The following ATP8A2 variants were observed in gnomAD, a reference collection of about 807,000 sequenced individuals.
ATP8A2 encodes phospholipid-transporting ATPase IB.
In ATP8A2, 100 loss-of-function variants were observed where a neutral mutation model predicts 165.6. The observed-to-expected ratio is 0.60, with a 90% CI of 0.51 to 0.71. The LOEUF is 0.71. Ranked by LOEUF, ATP8A2 falls within the 30% of genes least tolerant of loss-of-function variation. The pLI is 0.00. For missense variants in ATP8A2, 1,227 were observed against 1,479.5 expected, an observed-to-expected ratio of 0.83 and a Z score of 2.80; for synonymous variants, 543 against 548.8, an observed-to-expected ratio of 0.99 and a Z score of 0.15.
At chr13:25,667,412 A>G (rs1329186938) in intron 24 of ATP8A2, among the ~76,000 whole-genome samples, 1 of 152,162 alleles carries the variant, frequency 6.6e-6, no homozygotes, top group Non-Finnish European at 1.5e-5. Context: ...TCTCATTTTT[A>G]GGAGAATGGA....
intron 1 of ATP8A2, among the ~76,000 whole-genome samples, chr13:25,464,446 T>TAAA (rs34063090): frequency 0.049 from 6,209 of 127,318 alleles, 206 homozygotes; most frequent in African/African-American, 0.08. Context: ...CATCTCTATC[T>TAAA]AAAAAAAAAA....
chr13:25,880,388 A>G (rs1952946033), intron 33 of ATP8A2, among the ~76,000 whole-genome samples: 1 of 152,016 alleles, frequency 6.6e-6, no homozygotes, highest in African/African-American at 2.4e-5. Flanking sequence ...AAAAAAAAAA[A>G]AAAAAAAGGA....
chr13:25,688,566 TG>T (rs144772440), intron 24 of ATP8A2, among the ~76,000 whole-genome samples: 1,690 of 152,368 alleles, frequency 0.011, 10 homozygotes, highest in Non-Finnish European at 0.019. Context: ...GAGACTCTCA[TG>T]TAGAAAGTAT....
At chr13:25,831,148 A>T (rs1951455019) in intron 28 of ATP8A2, among the ~76,000 whole-genome samples, 3 of 151,670 alleles carry the variant, frequency 2.0e-5, no homozygotes, top group Non-Finnish European at 4.4e-5. Flanking sequence ...TTTTTCTTCT[A>T]AATGTACTCT....
chr13:25,714,068 A>C (rs7993491), intron 25 of ATP8A2, among the ~76,000 whole-genome samples: 1,611 of 152,200 alleles, frequency 0.011, 23 homozygotes, highest in African/African-American at 0.036. Flanking sequence ...ATCAGCTTTG[A>C]TTAACCCAGA....
intron 33 of ATP8A2, among the ~76,000 whole-genome samples, chr13:25,884,280 A>G (rs1953072712): frequency 1.3e-5 from 2 of 152,074 alleles, no homozygotes; most frequent in Admixed American, 1.3e-4. Context: ...CAACAAGTTT[A>G]TGTCAGTCCT....
At chr13:25,886,125 G>GT (rs1486827639) in intron 33 of ATP8A2, among the ~76,000 whole-genome samples, 7 of 152,186 alleles carry the variant, frequency 4.6e-5, no homozygotes, top group Admixed American at 4.6e-4. Context: ...ACAGTAGTTA[G>GT]TTCTGAAATT....
chr13:25,752,043 G>C (rs1468142763), intron 25 of ATP8A2, among the ~76,000 whole-genome samples: 1 of 151,688 alleles, frequency 6.6e-6, no homozygotes, highest in African/African-American at 2.4e-5. Context: ...CACTTTGGGG[G>C]GCCAAGGCAA....
At chr13:25,375,209 A>T (rs987410367) in intron 1 of ATP8A2, among the ~76,000 whole-genome samples, 1 of 152,224 alleles carries the variant, frequency 6.6e-6, no homozygotes, top group Non-Finnish European at 1.5e-5. Flanking sequence ...TGACAAATAT[A>T]TATCAGTGCC....
intron 30 of ATP8A2, among the ~76,000 whole-genome samples, chr13:25,848,639 G>GA (rs1419106114): frequency 2.0e-5 from 3 of 152,224 alleles, no homozygotes; most frequent in African/African-American, 7.2e-5. Context: ...CAATAGAGGA[G>GA]AAAATCCAGC....
intron 7 of ATP8A2, among the ~76,000 whole-genome samples, chr13:25,539,398 C>T (rs1164009373): frequency 4.7e-5 from 7 of 149,566 alleles, no homozygotes; most frequent in Non-Finnish European, 8.9e-5. Context: ...CAAGCGTGAG[C>T]CACAGTGCCC....
At chr13:25,469,252 C>A in intron 2 of ATP8A2, 131 bp downstream of exon 2, 1 of 1,130,018 alleles carries the variant, frequency 8.8e-7, no homozygotes, top group Non-Finnish European at 1.2e-6. Context: ...TTCCCCTGCC[C>A]CCTCCCCACC....
intron 6 of ATP8A2, among the ~76,000 whole-genome samples, chr13:25,533,579 AT>A (rs1448648114): frequency 6.6e-6 from 1 of 152,168 alleles, no homozygotes; most frequent in Non-Finnish European, 1.5e-5. Context: ...TTTGAGAAAT[AT>A]TTTCCCTGGT....
At chr13:25,761,417 T>C (rs947253590) in intron 25 of ATP8A2, among the ~76,000 whole-genome samples, 2 of 152,142 alleles carry the variant, frequency 1.3e-5, no homozygotes, top group Admixed American at 6.5e-5. Context: ...TGCAAAGATA[T>C]TACAGAGGCA....
At position 26,003,151 on chromosome 13, in the gene ATP8A2, A is replaced by G. The variant is rs141341148; in HGVS notation, c.3378-9380A>G. On this transcript the variant is annotated intron_variant, in intron 35 of 36. Transcript: ENST00000381655. Reference sequence around the variant, plus strand: ...TAATTTGTATTCCCATCAACAGTGTACAGGGGTTCCTTTTTCTCTGCATTC... The same window carrying G: ...TAATTTGTATTCCCATCAACAGTGTGCAGGGGTTCCTTTTTCTCTGCATTC... 1.3e-3 allele frequency among the ~76,000 whole-genome samples: 200 copies of G among 151,302 alleles called. 1 individual carries two copies. Among genetic ancestry groups the G allele is most frequent in the African/African-American group, 4.7e-3 (195 of 41,298 alleles).
At chr13:25,919,441 G>A (rs532667340) in intron 33 of ATP8A2, among the ~76,000 whole-genome samples, 4 of 152,222 alleles carry the variant, frequency 2.6e-5, no homozygotes, top group Non-Finnish European at 4.4e-5. Context: ...TTTTGGTTTC[G>A]GGATGTGAAA....
chr13:25,611,586 G>A (rs2040689227), intron 24 of ATP8A2, among the ~76,000 whole-genome samples: 1 of 151,986 alleles, frequency 6.6e-6, no homozygotes, highest in Admixed American at 6.6e-5. Flanking sequence ...TGTTCATCAG[G>A]GATATTGTTC....
chr13:25,869,383 C>A (rs943908263), intron 33 of ATP8A2, among the ~76,000 whole-genome samples: 1 of 152,160 alleles, frequency 6.6e-6, no homozygotes, highest in Admixed American at 6.5e-5. Flanking sequence ...CTCCCGTTAT[C>A]CTAATTGCCT....
chr13:25,764,229 G>A (rs1423044601), intron 25 of ATP8A2, among the ~76,000 whole-genome samples: 7 of 152,000 alleles, frequency 4.6e-5, no homozygotes, highest in African/African-American at 9.7e-5. Flanking sequence ...GTTGTATTTC[G>A]GTTAGTTTTT....
Sources: allele counts gnomAD v4.1 joint callset (sites outside exome capture counted in the v4.1 genomes callset), GRCh38; gene constraint gnomAD v4.1.1; transcripts MANE v1.5; gene names NCBI Gene and HGNC (gene_info 2026-07-23, HGNC 2026-07-21).